Variants in SASH1 observed in about 807,000 individuals in gnomAD.
SASH1 encodes the protein SAM and SH3 domain-containing protein 1.
SASH1 carries 44 observed loss-of-function variants against 125.2 expected under a neutral mutation model. That is an observed-to-expected ratio of 0.35 (90% CI 0.28 to 0.45). SASH1 has a LOEUF of 0.45. Ranked by LOEUF, SASH1 falls within the 20% of genes least tolerant of loss-of-function variation. SASH1 has a pLI of 1.00. For missense variants in SASH1, 1,426 were observed against 1,614.5 expected (o/e 0.88, Z 2.00); for synonymous variants, 639 against 649.1 (o/e 0.98, Z 0.24).
chr6:148,465,978 T>C (rs546044219), intron 4 of SASH1, among the ~76,000 whole-genome samples: 13 of 152,320 alleles, frequency 8.5e-5, no homozygotes, highest in African/African-American at 3.1e-4. Context: ...CCTTCCTTCG[T>C]GTTCATCCAT....
At chr6:148,520,509 C>T (rs188670353) in intron 10 of SASH1, 1 of 152,758 alleles carries the variant, frequency 6.5e-6, no homozygotes, top group African/African-American at 2.4e-5. Flanking sequence ...CAGGGCACAT[C>T]CCACCATCAC....
chr6:148,279,983 T>G (rs1343251172), intron 1 of SASH1, among the ~76,000 whole-genome samples: 1 of 108,758 alleles, frequency 9.2e-6, no homozygotes, highest in Non-Finnish European at 1.9e-5. Context: ...AGACCATGTC[T>G]CAAAAAAAAA....
intron 1 of SASH1, among the ~76,000 whole-genome samples, chr6:148,274,334 T>A (rs945783136): frequency 1.3e-5 from 2 of 152,180 alleles, no homozygotes; most frequent in Non-Finnish European, 2.9e-5. Context: ...AACAATACGT[T>A]CAGAGCAGCC....
intron 2 of SASH1, among the ~76,000 whole-genome samples, chr6:148,407,403 T>C (rs1317320145): frequency 6.6e-6 from 1 of 152,224 alleles, no homozygotes; most frequent in Non-Finnish European, 1.5e-5. Flanking sequence ...GTAGCATGTG[T>C]CAGAATTTTC....
chr6:148,281,212 C>G (rs1381733986), intron 1 of SASH1, among the ~76,000 whole-genome samples: 2 of 150,202 alleles, frequency 1.3e-5, no homozygotes, highest in Non-Finnish European at 2.9e-5. Context: ...CCTGCCATGT[C>G]CTCCCAAAGT....
chr6:148,527,420 G>C, intron 11 of SASH1, 33 bp from the exon 12 acceptor site: 1 of 1,534,648 alleles, frequency 6.5e-7, no homozygotes, highest in Non-Finnish European at 8.7e-7. Context: ...CATTTTCTGC[G>C]ACCAACAATA....
chr6:148,491,816 G>A (rs752060225), intron 8 of SASH1, among the ~76,000 whole-genome samples: 11 of 152,058 alleles, frequency 7.2e-5, no homozygotes, highest in East Asian at 3.9e-4. Flanking sequence ...AGACATTACC[G>A]TTTATAATAA....
chr6:148,515,255 C>T (rs1040242579), intron 9 of SASH1, among the ~76,000 whole-genome samples: 1 of 152,112 alleles, frequency 6.6e-6, no homozygotes, highest in African/African-American at 2.4e-5. Context: ...ACTGGAAAGA[C>T]TATGCTTTTT....
intron 1 of SASH1, among the ~76,000 whole-genome samples, chr6:148,313,093 C>A (rs963314110): frequency 1.3e-5 from 2 of 152,192 alleles, no homozygotes; most frequent in African/African-American, 4.8e-5. Context: ...GAGAGACCAA[C>A]TGAGCCAAAC....
chr6:148,542,138 G>A (rs1012707537), intron 17 of SASH1, among the ~76,000 whole-genome samples: 1 of 152,168 alleles, frequency 6.6e-6, no homozygotes, highest in African/African-American at 2.4e-5. Flanking sequence ...AGGTGTACCT[G>A]CTGAAGAACT....
chr6:148,203,353 C>T, the SASH1 span, among the ~76,000 whole-genome samples: 1 of 152,172 alleles, frequency 6.6e-6, no homozygotes, highest in African/African-American at 2.4e-5. Context: ...CTCTCTTCCT[C>T]TTCCTTCTTT....
At chr6:148,382,864 A>C (rs1475338043) in intron 1 of SASH1, among the ~76,000 whole-genome samples, 1 of 152,174 alleles carries the variant, frequency 6.6e-6, no homozygotes, top group East Asian at 1.9e-4. Flanking sequence ...CACTCCAGCC[A>C]CCTGCCCTAT....
At chr6:148,271,059 G>A (rs368666967), upstream of SASH1, among the ~76,000 whole-genome samples, 169 of 152,102 alleles carry the variant, frequency 1.1e-3, no homozygotes, top group African/African-American at 3.9e-3. Flanking sequence ...ACAGGCGCCC[G>A]CCACCATGTC....
intron 1 of SASH1, among the ~76,000 whole-genome samples, chr6:148,382,464 A>G (rs1222434344): frequency 1.3e-5 from 2 of 151,978 alleles, no homozygotes; most frequent in East Asian, 1.9e-4. Flanking sequence ...TAATTTTTGT[A>G]TTTTTAGTAG....
chr6:148,354,597 A>G (rs1562345211), intron 1 of SASH1, among the ~76,000 whole-genome samples: 1 of 152,108 alleles, frequency 6.6e-6, no homozygotes. Flanking sequence ...TAAGAGTCTT[A>G]GGTTTCCAGT....
the SASH1 span, among the ~76,000 whole-genome samples, chr6:148,225,699 G>A: frequency 2.0e-5 from 3 of 152,046 alleles, no homozygotes; most frequent in Non-Finnish European, 2.9e-5. Context: ...ACGAAAAACC[G>A]CCTGTACCCC....
At chr6:148,484,375 C>T (rs1173209322) in intron 7 of SASH1, among the ~76,000 whole-genome samples, 1 of 152,128 alleles carries the variant, frequency 6.6e-6, no homozygotes, top group Non-Finnish European at 1.5e-5. Context: ...TATTTTATAA[C>T]TCCTGGAATT....
rs779592867 is a variant in SASH1, at chr6:148,527,615, G to T, written c.1428+19G>T. 2 of 1,589,094 alleles carry T rather than the reference G, an allele frequency of 1.3e-6. No individual in the cohort carries two copies. The highest frequency in any genetic ancestry group is 1.7e-6 in the Non-Finnish European group (2 of 1,172,336). On this transcript the variant is annotated intron_variant, in intron 12 of 19. Coordinates refer to ENST00000367467, the MANE Select transcript of SASH1 (RefSeq NM_015278.5). ...TGAGCAGGTATGCAGCTACCTGGTA[G>T]AATGTTCCCTTGGTTCTTCCTGACA...
chr6:148,295,219 G>T (rs538217324), intron 1 of SASH1, among the ~76,000 whole-genome samples: 14 of 152,226 alleles, frequency 9.2e-5, no homozygotes, highest in South Asian at 4.2e-4. Flanking sequence ...TTTAAATGTA[G>T]CTTTGGGGGA....
Sources: gnomAD v4.1 joint callset for allele counts (sites outside exome capture counted in the v4.1 genomes callset) on GRCh38, gnomAD v4.1.1 for gene constraint, MANE v1.5 for transcripts, NCBI Gene and HGNC (gene_info 2026-07-23, HGNC 2026-07-21) for gene names.